Variants in CENPP observed in about 807,000 individuals in gnomAD.
CENPP encodes centromere protein P.
In CENPP, 24 loss-of-function variants were observed where a neutral mutation model predicts 35.6. That is an observed-to-expected ratio of 0.67 (90% CI 0.49 to 0.95). CENPP has a LOEUF of 0.95. Among genes scored for constraint, CENPP ranks in the 40% least tolerant of loss-of-function variants. CENPP has a pLI of 0.00. For missense variants in CENPP, 332 were observed against 345.3 expected, an observed-to-expected ratio of 0.96 and a Z score of 0.31; for synonymous variants, 120 against 125.5, an observed-to-expected ratio of 0.96 and a Z score of 0.29.
At chr9:92,502,283 G>A (rs1420572297) in intron 5 of CENPP, among the ~76,000 whole-genome samples, 2 of 152,174 alleles carry the variant, frequency 1.3e-5, no homozygotes, top group Non-Finnish European at 2.9e-5. Flanking sequence ...GACAACAACA[G>A]TAGTTACTGC....
chr9:92,533,010 T>C (rs1359543924), intron 5 of CENPP, among the ~76,000 whole-genome samples: 2 of 151,966 alleles, frequency 1.3e-5, no homozygotes, highest in African/African-American at 2.4e-5. Context: ...TTAATAATTA[T>C]GCTTTGGGCT....
At chr9:92,555,448 C>T (rs1162474437) in intron 5 of CENPP, among the ~76,000 whole-genome samples, 2 of 151,550 alleles carry the variant, frequency 1.3e-5, no homozygotes, top group African/African-American at 2.4e-5. Context: ...AGGCTGTTCT[C>T]GAACTCCTGA....
intron 4 of CENPP, among the ~76,000 whole-genome samples, chr9:92,362,921 G>C (rs1175720706): frequency 2.0e-5 from 3 of 151,200 alleles, no homozygotes; most frequent in Admixed American, 2.0e-4. Context: ...ATCTTATTTT[G>C]GTGCTCAAAG....
intron 5 of CENPP, among the ~76,000 whole-genome samples, chr9:92,533,328 AAT>A (rs202147064): frequency 0.017 from 665 of 38,268 alleles, 11 homozygotes; most frequent in African/African-American, 0.021. Context: ...AAAAAAAAAA[AAT>A]ATATATATAT....
intron 5 of CENPP, among the ~76,000 whole-genome samples, chr9:92,590,562 CT>C (rs1228388659): frequency 6.6e-6 from 1 of 152,180 alleles, no homozygotes; most frequent in Non-Finnish European, 1.5e-5. Context: ...CGGGCCAGGG[CT>C]GCATAATCAA....
intron 5 of CENPP, among the ~76,000 whole-genome samples, chr9:92,492,816 C>A (rs1846210362): frequency 6.6e-6 from 1 of 152,186 alleles, no homozygotes; most frequent in African/African-American, 2.4e-5. Flanking sequence ...GCCACATATT[C>A]CCTGTTGTTC....
intron 5 of CENPP, among the ~76,000 whole-genome samples, chr9:92,580,732 G>T (rs1850402298): frequency 6.6e-6 from 1 of 152,198 alleles, no homozygotes. Context: ...TATCAATTTT[G>T]TTGATCTTTT....
chr9:92,513,844 A>G (rs528938602), intron 5 of CENPP, among the ~76,000 whole-genome samples: 1 of 152,356 alleles, frequency 6.6e-6, no homozygotes, highest in African/African-American at 2.4e-5. Flanking sequence ...GGTGGTGGTT[A>G]CATGACTATG....
chr9:92,531,774 C>A (rs547817081), intron 5 of CENPP, among the ~76,000 whole-genome samples: 2 of 152,074 alleles, frequency 1.3e-5, no homozygotes, highest in African/African-American at 2.4e-5. Flanking sequence ...GGATTATTTT[C>A]TTCTTGACTG....
At chr9:92,567,673 C>T (rs1850028831) in intron 5 of CENPP, among the ~76,000 whole-genome samples, 1 of 152,030 alleles carries the variant, frequency 6.6e-6, no homozygotes, top group Non-Finnish European at 1.5e-5. Flanking sequence ...GAATTTGTAG[C>T]TTGTGTTTTG....
At chr9:92,469,698 G>A (rs2131069227) in intron 5 of CENPP, among the ~76,000 whole-genome samples, 1 of 152,322 alleles carries the variant, frequency 6.6e-6, no homozygotes, top group Non-Finnish European at 1.5e-5. Context: ...TACCACCTCA[G>A]ATGATACAGA....
chr9:92,539,876 C>T (rs1849277534), intron 5 of CENPP, among the ~76,000 whole-genome samples: 1 of 152,120 alleles, frequency 6.6e-6, no homozygotes, highest in Non-Finnish European at 1.5e-5. Flanking sequence ...GGTTGTTTCC[C>T]CTTTCCCCCC....
At chr9:92,475,535 T>C (rs1845684324) in intron 5 of CENPP, among the ~76,000 whole-genome samples, 1 of 152,198 alleles carries the variant, frequency 6.6e-6, no homozygotes, top group Admixed American at 6.5e-5. Flanking sequence ...AAAAAGCTAA[T>C]AAACATCGTA....
intron 4 of CENPP, among the ~76,000 whole-genome samples, chr9:92,361,440 CTTATTTTATT>C (rs200322873): frequency 0.37 from 41,078 of 111,274 alleles, 8,670 homozygotes; most frequent in East Asian, 0.73. Context: ...CGTACCTGGC[CTTATTTTATT>C]TTATTTTATT....
chr9:92,543,471 C>CAAA (rs71362401), intron 5 of CENPP, among the ~76,000 whole-genome samples: 13 of 44,528 alleles, frequency 2.9e-4, no homozygotes, highest in South Asian at 1.1e-3. Flanking sequence ...AACCCTGTCT[C>CAAA]AAAAAAAAAA....
intron 5 of CENPP, among the ~76,000 whole-genome samples, chr9:92,391,481 C>T (rs1177830625): frequency 6.6e-6 from 1 of 151,908 alleles, no homozygotes; most frequent in Non-Finnish European, 1.5e-5. Context: ...TGCCTGTAGT[C>T]TCAGCTACTT....
chr9:92,587,931 G>GA (rs1438063656), intron 5 of CENPP, among the ~76,000 whole-genome samples: 1 of 152,100 alleles, frequency 6.6e-6, no homozygotes, highest in African/African-American at 2.4e-5. Flanking sequence ...TTCAAGACCA[G>GA]ACTGGCCAAC....
chr9:92,399,702 T>C (rs891111067), intron 5 of CENPP, among the ~76,000 whole-genome samples: 3 of 152,198 alleles, frequency 2.0e-5, no homozygotes, highest in Admixed American at 1.3e-4. Context: ...GGTATGGACC[T>C]AAATGTACAC....
At chr9:92,565,471 T>C (rs796675829) in intron 5 of CENPP, among the ~76,000 whole-genome samples, 6 of 152,272 alleles carry the variant, frequency 3.9e-5, no homozygotes, top group African/African-American at 1.4e-4. Flanking sequence ...CTGGTCAATT[T>C]CAGCTCTTAA....
Sources: allele counts gnomAD v4.1 joint callset (sites outside exome capture counted in the v4.1 genomes callset), GRCh38; gene constraint gnomAD v4.1.1; transcripts MANE v1.5; gene names NCBI Gene and HGNC (gene_info 2026-07-23, HGNC 2026-07-21).